The following TRDN variants were observed in gnomAD, a reference collection of about 807,000 sequenced individuals.
TRDN encodes triadin.
Under a neutral mutation model 149.7 loss-of-function variants are expected in TRDN, and 161 were observed. That is an observed-to-expected ratio of 1.08 (90% CI 0.95 to 1.23). The LOEUF is 1.23. Among genes scored for constraint, TRDN ranks in the 50% most tolerant of loss-of-function variants. The probability of loss-of-function intolerance (pLI) is 0.00; values close to 1 mark genes in which losing one functional copy is unlikely to be tolerated. For synonymous variants in TRDN, 294 were observed against 250.5 expected, an observed-to-expected ratio of 1.17 and a Z score of -1.64; for missense variants, 896 against 823.5, an observed-to-expected ratio of 1.09 and a Z score of -1.08.
At chr6:123,432,271 G>T (rs796179727) in intron 12 of TRDN, among the ~76,000 whole-genome samples, 3 of 152,192 alleles carry the variant, frequency 2.0e-5, no homozygotes, top group African/African-American at 7.2e-5. Context: ...ATCTCAGAAT[G>T]TATTTATTAT....
intron 24 of TRDN, among the ~76,000 whole-genome samples, chr6:123,301,792 A>AT (rs1778438663): frequency 4.5e-5 from 3 of 67,296 alleles, no homozygotes; most frequent in African/African-American, 1.4e-4. Flanking sequence ...TATATACATA[A>AT]ATGAAAATAT....
chr6:123,316,626 T>C lies in TRDN; in HGVS notation c.1472-131A>G, dbSNP rs1779034536. 5 of 669,538 alleles carry C rather than the reference T, an allele frequency of 7.5e-6. No homozygotes were observed. In the South Asian group the frequency reaches 7.9e-5, roughly 11 times the overall value. 41.5% of individuals were successfully genotyped at this position (669,538 alleles called of 1,614,324 possible). ...TCTTGTCTGTTTTCAATTTCAATTA[T>C]AGTTATATACTGTTATCAAAATATT... On this transcript the variant is annotated intron_variant, in intron 23 of 40. Transcript: ENST00000334268.
chr6:123,495,788 T>C (rs1017166354), intron 9 of TRDN, among the ~76,000 whole-genome samples: 19 of 152,138 alleles, frequency 1.2e-4, no homozygotes, highest in Admixed American at 3.9e-4. Flanking sequence ...AACATTTTGT[T>C]TGTAGTCACT....
At chr6:123,593,027 G>A (rs1263022562) in intron 1 of TRDN, among the ~76,000 whole-genome samples, 2 of 152,026 alleles carry the variant, frequency 1.3e-5, no homozygotes, top group African/African-American at 4.8e-5. Flanking sequence ...TTCAAAAATA[G>A]CATCAATTAT....
intron 9 of TRDN, among the ~76,000 whole-genome samples, chr6:123,474,555 C>T (rs1777361203): frequency 6.6e-6 from 1 of 152,154 alleles, no homozygotes; most frequent in South Asian, 2.1e-4. Flanking sequence ...GAATTGAACT[C>T]AGCTCTGCAC....
intron 8 of TRDN, chr6:123,501,685 G>T: frequency 3.4e-6 from 1 of 293,172 alleles, no homozygotes; most frequent in Non-Finnish European, 5.1e-6. Context: ...TCTCAATACT[G>T]AGACTTGCTT....
At chr6:123,339,486 A>T (rs981629585) in intron 21 of TRDN, among the ~76,000 whole-genome samples, 2 of 152,158 alleles carry the variant, frequency 1.3e-5, no homozygotes, top group African/African-American at 4.8e-5. Flanking sequence ...TGTCAACAGG[A>T]CGCCCAAAAA....
chr6:123,530,517 A>G lies in TRDN; in HGVS notation c.473T>C (p.Ile158Thr). The G allele has an allele frequency of 1.6e-6, 2 of 1,248,898 alleles. No homozygotes were observed. The highest frequency in any genetic ancestry group is 1.1e-6 in the Non-Finnish European group (1 of 933,394). 77.4% of individuals were successfully genotyped at this position (1,248,898 alleles called of 1,614,324 possible). ...AATGAAATGTTTACCTTTAGTTTGT[A>G]TTTTCCTTTCAGGTTTCTCTTGTTT... ...TEKQEKPERKIQTKVTHKEKE... is the reference protein window; with the variant it reads ...TEKQEKPERKTQTKVTHKEKE... Residue 158 changes from isoleucine (I) to threonine (T), a missense_variant, in exon 5 of 41, where the codon ATA becomes ACA. Transcript: ENST00000334268.
chr6:123,427,005 C>G (rs372373203), intron 12 of TRDN, among the ~76,000 whole-genome samples: 53 of 151,990 alleles, frequency 3.5e-4, no homozygotes, highest in African/African-American at 1.2e-3. Flanking sequence ...TCTTTCCTAC[C>G]TTAGGCTTAT....
At chr6:123,479,990 T>G (rs960799401) in intron 9 of TRDN, among the ~76,000 whole-genome samples, 2 of 152,100 alleles carry the variant, frequency 1.3e-5, no homozygotes, top group African/African-American at 4.8e-5. Flanking sequence ...TATTCAAAGT[T>G]ATAATGAACT....
At chr6:123,364,629 A>T (rs1376267834) in intron 20 of TRDN, among the ~76,000 whole-genome samples, 3 of 152,200 alleles carry the variant, frequency 2.0e-5, no homozygotes, top group Non-Finnish European at 2.9e-5. Context: ...GCCTGGTGAC[A>T]GAGAAAGACT....
chr6:123,424,826 G>T (rs1443724601), intron 12 of TRDN, among the ~76,000 whole-genome samples: 1 of 152,142 alleles, frequency 6.6e-6, no homozygotes, highest in Non-Finnish European at 1.5e-5. Context: ...GGAAGCCTCT[G>T]TAAAGGTGGA....
intron 1 of TRDN, among the ~76,000 whole-genome samples, chr6:123,601,653 A>G (rs1182427662): frequency 6.6e-6 from 1 of 152,116 alleles, no homozygotes; most frequent in African/African-American, 2.4e-5. Context: ...AGATTTGCAC[A>G]CATTCTCACT....
chr6:123,529,539 A>G lies in TRDN; in HGVS notation c.484+967T>C. On this transcript the variant is annotated intron_variant, in intron 5 of 40. Coordinates refer to ENST00000334268, the MANE Select transcript of TRDN (RefSeq NM_006073.4). The stretch of plus-strand genomic sequence containing the variant: ...ATATTTTAAAAACAACAGCAACAAC[A>G]TGGCATTGTATTAATATAAATTCAC... 3 of 580,512 alleles carry G rather than the reference A, an allele frequency of 5.2e-6. No homozygotes were observed. In the South Asian group the frequency reaches 5.4e-5, roughly 10 times the overall value. The allele number at this position is 580,512 out of a possible 1,614,324, so 36.0% of individuals were successfully genotyped here.
At chr6:123,387,163 A>C (rs1180816997) in intron 14 of TRDN, among the ~76,000 whole-genome samples, 5 of 152,092 alleles carry the variant, frequency 3.3e-5, no homozygotes, top group Non-Finnish European at 7.4e-5. Flanking sequence ...GAGGCAAATT[A>C]ATTATTTTTG....
chr6:123,293,939 C>T (rs1291949257), intron 24 of TRDN, among the ~76,000 whole-genome samples: 2 of 152,040 alleles, frequency 1.3e-5, no homozygotes, highest in Non-Finnish European at 2.9e-5. Context: ...GGAATCAAGG[C>T]AGTGATGGGA....
At chr6:123,612,455 A>C (rs1185459479) in intron 1 of TRDN, among the ~76,000 whole-genome samples, 1 of 152,040 alleles carries the variant, frequency 6.6e-6, no homozygotes, top group Non-Finnish European at 1.5e-5. Context: ...CAATCCAAAA[A>C]AAAAAATTAT....
At chr6:123,421,630 A>G (rs1009785504) in intron 12 of TRDN, 1 of 152,098 alleles carries the variant, frequency 6.6e-6, no homozygotes, top group Non-Finnish European at 1.5e-5. Flanking sequence ...CCAACTCTGC[A>G]TCAATAGGCT....
At position 123,268,426 on chromosome 6, in the gene TRDN, AT is replaced by A. The variant is rs558163555; in HGVS notation, c.1739-676del. 3.1e-3 allele frequency among the ~76,000 whole-genome samples: 469 copies of A among 152,202 alleles called. 1 individual carries two copies. Among genetic ancestry groups the A allele is most frequent in the African/African-American group, 0.011 (440 of 41,580 alleles). On this transcript the variant is annotated intron_variant, in intron 31 of 40. Coordinates refer to ENST00000334268, the MANE Select transcript of TRDN (RefSeq NM_006073.4). ...TTGAATTAAAAATTTTAAAGAGATC[AT>A]TCTCTTTCATCAAAAGTGGAATTTA...
Sources: allele counts gnomAD v4.1 joint callset (sites outside exome capture counted in the v4.1 genomes callset), GRCh38; gene constraint gnomAD v4.1.1; transcripts MANE v1.5; gene names NCBI Gene and HGNC (gene_info 2026-07-23, HGNC 2026-07-21).